The following ZBTB45 variants were observed in gnomAD, a reference collection of about 807,000 sequenced individuals.
ZBTB45 encodes the protein zinc finger and BTB domain-containing protein 45.
ZBTB45 carries 22 observed loss-of-function variants against 28.4 expected under a neutral mutation model. The observed-to-expected ratio is 0.77, with a 90% CI of 0.55 to 1.10. The LOEUF (loss-of-function observed/expected upper bound fraction) is 1.10, where lower values mean the gene tolerates loss of function less well. ZBTB45 is among the 50% of genes least tolerant of loss of function. ZBTB45 has a pLI of 0.00. For missense variants in ZBTB45, 656 were observed against 750.2 expected (o/e 0.87, Z 1.47); for synonymous variants, 361 against 332.3 (o/e 1.09, Z -0.94).
At chr19:58,521,285 T>C (rs2053576127), upstream of ZBTB45, among the ~76,000 whole-genome samples, 1 of 143,832 alleles carries the variant, frequency 7.0e-6, no homozygotes, top group African/African-American at 2.6e-5. Context: ...GAGAATGGCG[T>C]GAACCCGGGA....
chr19:58,533,967 A>C, intron 1 of ZBTB45, among the ~76,000 whole-genome samples: 1 of 152,248 alleles, frequency 6.6e-6, no homozygotes, highest in Non-Finnish European at 1.5e-5. Flanking sequence ...ACAAATGTGC[A>C]CTGAGAAGCC....
Position 58,516,587 on chromosome 19 carries a change from T to C in ZBTB45, c.1087A>G (p.Thr363Ala), listed in dbSNP as rs1339281163. 2.6e-6 allele frequency: 4 copies of C among 1,564,834 alleles called. No homozygotes were observed. The Admixed American group carries it at 5.5e-5, about 21-fold the overall frequency. ...APAPPPAFYPTLQPEAAPSTQ... is the reference protein window; with the variant it reads ...APAPPPAFYPALQPEAAPSTQ... ...CTGGGGGCTGCCTCGGGCTGGAGTG[T>C]GGGGTAGAAGGCGGGTGGGGGCGCA... Residue 363 changes from threonine to alanine, a missense_variant, in exon 2 of 3, where the codon ACA becomes GCA. Transcript: ENST00000594051. The surrounding 1 kb of genome is among the most constrained non-coding windows in gnomAD (Gnocchi z 6.2).
chr19:58,525,316 G>A (rs1331319509), intron 1 of ZBTB45, among the ~76,000 whole-genome samples: 1 of 152,220 alleles, frequency 6.6e-6, no homozygotes, highest in Non-Finnish European at 1.5e-5. Context: ...GGTTGTGGGG[G>A]CATTTCAAGT....
intron 1 of ZBTB45, among the ~76,000 whole-genome samples, chr19:58,532,385 AG>A: frequency 6.6e-6 from 1 of 152,180 alleles, no homozygotes. Flanking sequence ...GAGGCAGAGG[AG>A]AAAATAACGT....
rs530405636 is a variant in ZBTB45 at position 58,517,179 on chromosome 19, G to A, written c.495C>T (p.Pro165=). 58 of 1,607,674 alleles carry A rather than the reference G, an allele frequency of 3.6e-5. No homozygotes were observed. The highest frequency in any genetic ancestry group is 1.5e-4 in the African/African-American group (11 of 74,920). The change falls in exon 2 of 3, where the codon CCC becomes CCT. Residue 165 remains proline, a synonymous_variant. Coordinates refer to ENST00000594051, the MANE Select transcript of ZBTB45 (RefSeq NM_001316979.2). ...GCTGCTTACGGCTGTGTGCAGCACCGGGGTGCCCCGGGGGACGTGCAGCCA... is the reference window on the plus strand; with the variant it reads ...GCTGCTTACGGCTGTGTGCAGCACCAGGGTGCCCCGGGGGACGTGCAGCCA... ...HLLAARPPGH[P]GAAHSRKQRQ... is the part of the protein sequence containing the mutation.
chr19:58,522,878 G>A (rs973973101), upstream of ZBTB45, among the ~76,000 whole-genome samples: 13 of 152,116 alleles, frequency 8.5e-5, no homozygotes, highest in Non-Finnish European at 1.5e-4. Context: ...TGTGTTGAGG[G>A]GGGGAAGCCA....
chr19:58,533,087 T>A (rs111914131), intron 1 of ZBTB45, among the ~76,000 whole-genome samples: 2 of 148,742 alleles, frequency 1.3e-5, no homozygotes, highest in African/African-American at 5.0e-5. Flanking sequence ...CCACCCGCCT[T>A]GGCCTCCCAA....
chr19:58,526,489 CGT>C (rs1373653937), intron 1 of ZBTB45, among the ~76,000 whole-genome samples: 3 of 149,990 alleles, frequency 2.0e-5, no homozygotes, highest in African/African-American at 7.3e-5. Context: ...GGATTACAGG[CGT>C]GAGCCACCAC....
In ZBTB45 at chr19:58,517,066, G is replaced by A. The variant is rs1202273095; in HGVS notation, c.608C>T (p.Pro203Leu). The A allele has an allele frequency of 1.9e-6, 3 of 1,613,110 alleles. No individual in the cohort carries two copies. Among genetic ancestry groups the A allele is most frequent in the Non-Finnish European group, 1.7e-6 (2 of 1,179,994 alleles). The part of the protein sequence containing the change: ...PDADPSLSAA[P>L]DDRGDEDDEE... ...GTCATCCTCGTCACCTCGGTCATCAGGGGCCGCGGACAGTGAGGGGTCAGC... is the reference window on the plus strand; with the variant it reads ...GTCATCCTCGTCACCTCGGTCATCAAGGGCCGCGGACAGTGAGGGGTCAGC... Residue 203 changes from proline to leucine, a missense_variant, in exon 2 of 3, where the codon CCT becomes CTT. Physicochemically the swap from Pro to Leu is moderately conservative, Grantham distance 98 (BLOSUM62 -3). Coordinates refer to ENST00000594051, the MANE Select transcript of ZBTB45 (RefSeq NM_001316979.2).
At chr19:58,536,556 T>A (rs908225788) in intron 1 of ZBTB45, among the ~76,000 whole-genome samples, 3 of 150,590 alleles carry the variant, frequency 2.0e-5, no homozygotes, top group African/African-American at 7.4e-5. Context: ...GGCAGGAGAA[T>A]CGCTTGAACT....
At chr19:58,526,562 C>T (rs1283188564) in intron 1 of ZBTB45, among the ~76,000 whole-genome samples, 3 of 120,160 alleles carry the variant, frequency 2.5e-5, no homozygotes, top group Non-Finnish European at 5.1e-5. Context: ...GATGGAGTCT[C>T]GCTCTGTCGC....
chr19:58,523,185 AG>A (rs957884816), upstream of ZBTB45, among the ~76,000 whole-genome samples: 15 of 152,060 alleles, frequency 9.9e-5, no homozygotes, highest in African/African-American at 3.6e-4. Context: ...CAAGCAGCCA[AG>A]GGAGGTGAGA....
chr19:58,522,688 C>T (rs2053585115), upstream of ZBTB45, among the ~76,000 whole-genome samples: 1 of 152,170 alleles, frequency 6.6e-6, no homozygotes, highest in Admixed American at 6.5e-5. Flanking sequence ...CCATCATCGT[C>T]TTTGTTCAGA....
In ZBTB45 at chr19:58,513,762, G is replaced by C. The variant is rs1356647011; in HGVS notation, c.*292C>G. 10 of 342,814 alleles carry C rather than the reference G, an allele frequency of 2.9e-5. No individual in the cohort carries two copies. The East Asian group carries it at 4.5e-4, about 15-fold the overall frequency. The allele number at this position is 342,814 out of a possible 1,614,324, so 21.2% of individuals were successfully genotyped here. On this transcript the variant is annotated 3_prime_UTR_variant, in exon 3 of 3. Coordinates refer to ENST00000594051, the MANE Select transcript of ZBTB45 (RefSeq NM_001316979.2). ...GGGTGAGAACCGGAGTCAAATCTTG[G>C]GCCGGGTCCAAGCGCCTGAGCGCCC...
intron 1 of ZBTB45, among the ~76,000 whole-genome samples, chr19:58,537,658 A>C (rs1344056482): frequency 6.6e-6 from 1 of 152,062 alleles, no homozygotes; most frequent in Non-Finnish European, 1.5e-5. Context: ...GGCAGCCCCT[A>C]GGAGAGCCAT....
intron 1 of ZBTB45, among the ~76,000 whole-genome samples, chr19:58,532,001 C>T (rs773035675): frequency 6.6e-6 from 1 of 152,094 alleles, no homozygotes; most frequent in Non-Finnish European, 1.5e-5. Context: ...GGATGAGACT[C>T]TGGGCTCTGA....
intron 1 of ZBTB45, among the ~76,000 whole-genome samples, chr19:58,530,725 G>C (rs559957323): frequency 2.0e-5 from 3 of 147,566 alleles, no homozygotes; most frequent in East Asian, 2.0e-4. Flanking sequence ...GCTCTGTCGC[G>C]CAGGCTGGAG....
chr19:58,513,918 G>A lies in ZBTB45; in HGVS notation c.*136C>T, dbSNP rs907084021. The A allele has an allele frequency of 8.2e-6, 9 of 1,091,994 alleles. No homozygotes were observed. In the African/African-American group the frequency reaches 1.5e-4, roughly 18 times the overall value. The allele number at this position is 1,091,994 out of a possible 1,614,324, so 67.6% of individuals were successfully genotyped here. A position where few individuals can be genotyped will look rare whatever the true frequency, so the allele number is the denominator to read the frequency against. On this transcript the variant is annotated 3_prime_UTR_variant, in exon 3 of 3. Transcript: ENST00000594051. The stretch of plus-strand genomic sequence containing the variant: ...GGACTTAGGCCCTGGTATGGAGAAA[G>A]GGTGAAGGGAGAGAGAGGACCTGCG...
intron 1 of ZBTB45, among the ~76,000 whole-genome samples, chr19:58,534,625 C>T (rs982715262): frequency 6.9e-6 from 1 of 144,446 alleles, no homozygotes. Flanking sequence ...GGCGCAATCT[C>T]GGCTCACTGC....
Sources: gnomAD v4.1 joint callset for allele counts (sites outside exome capture counted in the v4.1 genomes callset) on GRCh38, gnomAD v4.1.1 for gene constraint, Gnocchi (gnomAD v3.1) non-coding constraint, MANE v1.5 for transcripts, NCBI Gene and HGNC (gene_info 2026-07-23, HGNC 2026-07-21) for gene names.